GRIN2A: variants seen among roughly 807,000 people sequenced by gnomAD.
GRIN2A encodes glutamate ionotropic receptor NMDA type subunit 2A.
GRIN2A carries 22 observed loss-of-function variants against 113.4 expected under a neutral mutation model. The observed-to-expected ratio is 0.19, with a 90% CI of 0.14 to 0.28. The LOEUF (loss-of-function observed/expected upper bound fraction) is 0.28. Among genes scored for constraint, GRIN2A ranks in the 10% least tolerant of loss-of-function variants. GRIN2A has a pLI of 1.00. For synonymous variants in GRIN2A, 827 were observed against 738.4 expected (o/e 1.12, Z -1.94); for missense variants, 1,502 against 1,887.0 (o/e 0.80, Z 3.78).
rs938766924 is a variant in GRIN2A, at chr16:9,764,289, G to A, written c.3255C>T (p.Asn1085=). 2.5e-6 allele frequency: 4 copies of A among 1,613,942 alleles called. No individual in the cohort carries two copies. In the Admixed American group the frequency reaches 6.7e-5, roughly 27 times the overall value. ...DNSKNHKTKD[N]FKRSVASKYP... is the part of the protein sequence containing the mutation. ...ATTTGGAGGCCACTGACCTTTTAAA[G>A]TTGTCCTTGGTTTTGTGGTTCTTAC... The change falls in exon 13 of 13, where the codon AAC becomes AAT. Residue 1085 remains asparagine (N), a synonymous_variant. Coordinates refer to ENST00000330684, the MANE Select transcript of GRIN2A (RefSeq NM_001134407.3).
At chr16:9,940,057 A>T (rs370516954) in intron 2 of GRIN2A, among the ~76,000 whole-genome samples, 114 of 123,658 alleles carry the variant, frequency 9.2e-4, no homozygotes, top group Middle Eastern at 4.3e-3. Flanking sequence ...AGAGAGAGAG[A>T]GAGAGTGTGT....
At chr16:9,960,651 G>A (rs968583679) in intron 2 of GRIN2A, among the ~76,000 whole-genome samples, 1 of 151,930 alleles carries the variant, frequency 6.6e-6, no homozygotes, top group African/African-American at 2.4e-5. Flanking sequence ...TTCAGACAAG[G>A]TCTGGCTCTG....
intron 2 of GRIN2A, among the ~76,000 whole-genome samples, chr16:10,043,562 C>G (rs539642515): frequency 1.3e-5 from 2 of 152,146 alleles, no homozygotes; most frequent in Non-Finnish European, 2.9e-5. Context: ...CAGTATCCTA[C>G]AAAGATGCCA....
rs2050246551 is a variant in GRIN2A at position 10,180,480 on chromosome 16, A to G, written c.-18-51T>C. On this transcript the variant is annotated intron_variant, in intron 1 of 12. Coordinates refer to ENST00000330684, the MANE Select transcript of GRIN2A (RefSeq NM_001134407.3). This position sits in a 1 kb window ranked among gnomAD's most constrained non-coding sequence, Gnocchi z 7.0. ...GGCCGCGGTGAGCAAGGCGACCAGA[A>G]GAAAGGGATTACCAACTTGGCTTCC... 6.4e-7 allele frequency: 1 copy of G among 1,554,648 alleles called. No individual in the cohort carries two copies. The highest frequency in any genetic ancestry group is 1.4e-5 in the African/African-American group (1 of 74,018).
At chr16:9,995,322 G>A (rs1291114351) in intron 2 of GRIN2A, among the ~76,000 whole-genome samples, 2 of 152,126 alleles carry the variant, frequency 1.3e-5, no homozygotes, top group African/African-American at 4.8e-5. Flanking sequence ...AGAATCTGGG[G>A]GACAAACAAA....
chr16:10,013,450 C>G (rs943823524), intron 2 of GRIN2A, among the ~76,000 whole-genome samples: 2 of 152,242 alleles, frequency 1.3e-5, no homozygotes, highest in Admixed American at 1.3e-4. Context: ...CAGCTAATTT[C>G]TCTCTCCCTT....
At chr16:10,150,438 G>A (rs1310887115) in intron 2 of GRIN2A, among the ~76,000 whole-genome samples, 1 of 152,118 alleles carries the variant, frequency 6.6e-6, no homozygotes, top group East Asian at 1.9e-4. Flanking sequence ...CTGTTTTCAG[G>A]AGAAAAACAA....
At chr16:10,088,820 G>A (rs1027425734) in intron 2 of GRIN2A, among the ~76,000 whole-genome samples, 6 of 152,168 alleles carry the variant, frequency 3.9e-5, no homozygotes, top group Non-Finnish European at 8.8e-5. Flanking sequence ...CATCCATCTC[G>A]CAAGAAAAGA....
intron 2 of GRIN2A, among the ~76,000 whole-genome samples, chr16:10,165,430 A>G (rs1330222504): frequency 6.7e-6 from 1 of 150,250 alleles, no homozygotes; most frequent in Non-Finnish European, 1.5e-5. Context: ...CCTCTAAAAT[A>G]CATATGTATA....
chr16:9,823,301 T>C (rs2141297284), intron 9 of GRIN2A, among the ~76,000 whole-genome samples: 1 of 152,314 alleles, frequency 6.6e-6, no homozygotes, highest in East Asian at 1.9e-4. Context: ...GAGCTCGAAC[T>C]GGCTGGTTGG....
At chr16:9,886,065 T>A (rs2043580450) in intron 4 of GRIN2A, among the ~76,000 whole-genome samples, 1 of 152,190 alleles carries the variant, frequency 6.6e-6, no homozygotes, top group African/African-American at 2.4e-5. Context: ...GGAAGATGAG[T>A]CAGATTCTAA....
chr16:9,765,726 A>C (rs1900876287), intron 12 of GRIN2A, among the ~76,000 whole-genome samples: 1 of 152,048 alleles, frequency 6.6e-6, no homozygotes, highest in Admixed American at 6.6e-5. Context: ...TACTTAATCG[A>C]CTCAATCTAT....
In GRIN2A at chr16:10,180,587, C is replaced by G. The variant is rs776497226; in HGVS notation, c.-18-158G>C. The G allele has an allele frequency of 1.0e-4, 82 of 814,158 alleles. No homozygotes were observed. In the Middle Eastern group the frequency reaches 5.0e-3, roughly 50 times the overall value. 50.4% of individuals were successfully genotyped at this position (814,158 alleles called of 1,614,324 possible). On this transcript the variant is annotated intron_variant, in intron 1 of 12. Transcript: ENST00000330684. This position sits in a 1 kb window ranked among gnomAD's most constrained non-coding sequence, Gnocchi z 7.0. Reference sequence around the variant, plus strand: ...CTCCATTCCGAGTCCCCGACGCCATCCACATCCCTCGATCCATCTCTAACT... The same window carrying G: ...CTCCATTCCGAGTCCCCGACGCCATGCACATCCCTCGATCCATCTCTAACT...
chr16:10,120,193 C>T (rs1043892541), intron 2 of GRIN2A, among the ~76,000 whole-genome samples: 2 of 152,118 alleles, frequency 1.3e-5, no homozygotes, highest in South Asian at 2.1e-4. Context: ...TTACATTCAA[C>T]TGGGGGAGAT....
chr16:10,174,552 TTA>T (rs1206276445), intron 2 of GRIN2A, among the ~76,000 whole-genome samples: 5 of 152,178 alleles, frequency 3.3e-5, no homozygotes, highest in Non-Finnish European at 7.3e-5. Context: ...TACATATTTT[TTA>T]ATCTTTGAAG....
At chr16:9,877,764 CTCT>C (rs1249078000) in intron 4 of GRIN2A, among the ~76,000 whole-genome samples, 1 of 140,440 alleles carries the variant, frequency 7.1e-6, no homozygotes, top group Non-Finnish European at 1.5e-5. Context: ...TCCCTCTCTC[CTCT>C]TTTCTCCCCC....
chr16:10,048,727 G>A (rs2047302818), intron 2 of GRIN2A, among the ~76,000 whole-genome samples: 1 of 149,716 alleles, frequency 6.7e-6, no homozygotes, highest in African/African-American at 2.5e-5. Context: ...CTGAAAGACA[G>A]TAATACCCCA....
chr16:9,888,482 T>A, intron 4 of GRIN2A, among the ~76,000 whole-genome samples: 1 of 152,004 alleles, frequency 6.6e-6, no homozygotes, highest in South Asian at 2.1e-4. Flanking sequence ...AAGGTTTTTT[T>A]TTTCCATGTA....
At chr16:10,179,893 C>CCCAACAAAAAAAAA in intron 2 of GRIN2A, 105 bp downstream of exon 2, 1 of 719,816 alleles carries the variant, frequency 1.4e-6, no homozygotes. Flanking sequence ...CCCCCACCCC[C>CCCAACAAAAAAAAA]ACTTCACATC....
Sources: gnomAD v4.1 joint callset for allele counts (sites outside exome capture counted in the v4.1 genomes callset) on GRCh38, gnomAD v4.1.1 for gene constraint, Gnocchi (gnomAD v3.1) non-coding constraint, MANE v1.5 for transcripts, NCBI Gene and HGNC (gene_info 2026-07-23, HGNC 2026-07-21) for gene names.